The following DENND1A variants were observed in gnomAD, a reference collection of about 807,000 sequenced individuals.
DENND1A encodes the protein DENN domain-containing protein 1A.
A neutral mutation model predicts 113.7 loss-of-function variants in DENND1A; 51 were observed. The observed-to-expected ratio is 0.45, with a 90% CI of 0.36 to 0.57. The LOEUF is 0.57. DENND1A is among the 20% of genes least tolerant of loss of function. The pLI is 0.00. For missense variants in DENND1A, 1,258 were observed against 1,395.9 expected (o/e 0.90, Z 1.57); for synonymous variants, 565 against 570.8 (o/e 0.99, Z 0.14).
At chr9:123,769,097 C>A (rs1829310731) in intron 4 of DENND1A, among the ~76,000 whole-genome samples, 1 of 152,086 alleles carries the variant, frequency 6.6e-6, no homozygotes, top group South Asian at 2.1e-4. Context: ...TAGGGCTAGG[C>A]TGATTTAAAT....
At chr9:123,622,265 T>G (rs1446529384) in intron 10 of DENND1A, among the ~76,000 whole-genome samples, 5 of 152,166 alleles carry the variant, frequency 3.3e-5, no homozygotes, top group African/African-American at 1.2e-4. Flanking sequence ...TTATCACAAA[T>G]GTGTGTTAAT....
intron 1 of DENND1A, among the ~76,000 whole-genome samples, chr9:123,915,672 CAGAG>C (rs1310754039): frequency 2.0e-5 from 3 of 151,968 alleles, no homozygotes; most frequent in South Asian, 2.1e-4. Flanking sequence ...AGTTAATTAA[CAGAG>C]AGAGATTTAT....
chr9:123,554,418 T>C (rs981810771), intron 13 of DENND1A, among the ~76,000 whole-genome samples: 1 of 152,224 alleles, frequency 6.6e-6, no homozygotes, highest in Non-Finnish European at 1.5e-5. Flanking sequence ...GGTCTCTCTA[T>C]GTTGCCCAGG....
At chr9:123,501,088 T>C (rs1303664026) in intron 13 of DENND1A, among the ~76,000 whole-genome samples, 2 of 152,194 alleles carry the variant, frequency 1.3e-5, no homozygotes, top group Non-Finnish European at 2.9e-5. Flanking sequence ...AGGCCTGAAA[T>C]AATAACTCCC....
chr9:123,462,271 A>G (rs970607563), intron 13 of DENND1A, among the ~76,000 whole-genome samples: 2 of 152,248 alleles, frequency 1.3e-5, no homozygotes, highest in African/African-American at 4.8e-5. Context: ...AACATTCTGG[A>G]AACTTTCATG....
At chr9:123,459,329 T>C (rs1588637247) in intron 13 of DENND1A, among the ~76,000 whole-genome samples, 1 of 152,316 alleles carries the variant, frequency 6.6e-6, no homozygotes, top group East Asian at 1.9e-4. Context: ...ATCTTTGCAG[T>C]CCCTAGGCCA....
At chr9:123,692,744 A>G (rs2065261890) in intron 5 of DENND1A, among the ~76,000 whole-genome samples, 1 of 152,226 alleles carries the variant, frequency 6.6e-6, no homozygotes. Context: ...ACCTTTCACA[A>G]ATGTTTGAAC....
chr9:123,708,425 T>A (rs943658593), intron 5 of DENND1A, among the ~76,000 whole-genome samples: 1 of 152,186 alleles, frequency 6.6e-6, no homozygotes, highest in African/African-American at 2.4e-5. Flanking sequence ...TTTTAACTAT[T>A]TACAAGAAAA....
At chr9:123,656,189 A>G (rs2062935847) in intron 8 of DENND1A, among the ~76,000 whole-genome samples, 1 of 151,942 alleles carries the variant, frequency 6.6e-6, no homozygotes, top group East Asian at 1.9e-4. Context: ...TTCCAGGCAG[A>G]GGCAAAGACA....
chr9:123,852,097 C>T (rs1310897238), intron 2 of DENND1A, among the ~76,000 whole-genome samples: 14 of 152,172 alleles, frequency 9.2e-5, no homozygotes, highest in African/African-American at 2.9e-4. Flanking sequence ...TCAGTGTCTT[C>T]GGCAGTTATC....
intron 13 of DENND1A, among the ~76,000 whole-genome samples, chr9:123,489,665 G>A (rs960059315): frequency 1.3e-5 from 2 of 152,184 alleles, no homozygotes; most frequent in Non-Finnish European, 2.9e-5. Context: ...GCAGTGAAGG[G>A]CAAGTTTCTT....
At chr9:123,784,648 C>G (rs976604871) in intron 3 of DENND1A, among the ~76,000 whole-genome samples, 1 of 152,046 alleles carries the variant, frequency 6.6e-6, no homozygotes, top group Non-Finnish European at 1.5e-5. Flanking sequence ...TTTTTGGGAT[C>G]CAGAATAAAC....
intron 10 of DENND1A, 37 bp downstream of exon 10, chr9:123,630,339 G>T: frequency 6.7e-7 from 1 of 1,489,722 alleles, no homozygotes; most frequent in Non-Finnish European, 9.1e-7. Context: ...TCAGATCAGG[G>T]CAAAGGAGAA....
chr9:123,446,009 G>C (rs2047277248), intron 18 of DENND1A, among the ~76,000 whole-genome samples: 2 of 152,206 alleles, frequency 1.3e-5, no homozygotes, highest in Admixed American at 6.5e-5. Flanking sequence ...TTACAGATGA[G>C]AAAAACTAGG....
intron 6 of DENND1A, 83 bp downstream of exon 6, chr9:123,676,637 T>C: frequency 7.4e-7 from 1 of 1,358,214 alleles, no homozygotes; most frequent in Non-Finnish European, 1.0e-6. Context: ...ACTTTTTTGG[T>C]AAAATATAAG....
rs1437271257 is a variant in DENND1A at position 123,403,056 on chromosome 9, C to T, written c.1631+346G>A. On this transcript the variant is annotated intron_variant, in intron 21 of 23. Coordinates refer to ENST00000394215, the MANE Select transcript of DENND1A (RefSeq NM_001352964.2). ...AGGAAGGTGGGTGGATCCAGTTCAA[C>T]ACTTGGCCTCCTTCACCAGGTTCTA... 2.0e-5 allele frequency among the ~76,000 whole-genome samples: 3 copies of T among 152,222 alleles called. No individual in the cohort carries two copies. In the East Asian group the frequency reaches 5.8e-4, roughly 29 times the overall value.
At chr9:123,704,086 T>C (rs950987402) in intron 5 of DENND1A, among the ~76,000 whole-genome samples, 1 of 152,048 alleles carries the variant, frequency 6.6e-6, no homozygotes, top group Non-Finnish European at 1.5e-5. Flanking sequence ...TATTTTCATG[T>C]ACCATCTTTA....
At chr9:123,502,644 C>T (rs1315835436) in intron 13 of DENND1A, among the ~76,000 whole-genome samples, 1 of 152,116 alleles carries the variant, frequency 6.6e-6, no homozygotes, top group African/African-American at 2.4e-5. Flanking sequence ...CCTTTTTAAG[C>T]TGTTGACATT....
intron 19 of DENND1A, among the ~76,000 whole-genome samples, chr9:123,416,574 G>A (rs2044743732): frequency 6.6e-6 from 1 of 152,240 alleles, no homozygotes; most frequent in Admixed American, 6.5e-5. Flanking sequence ...ACAGACTGCT[G>A]CTTCTTAAGT....
Sources: allele counts gnomAD v4.1 joint callset (sites outside exome capture counted in the v4.1 genomes callset), GRCh38; gene constraint gnomAD v4.1.1; transcripts MANE v1.5; gene names NCBI Gene and HGNC (gene_info 2026-07-23, HGNC 2026-07-21).